The following PDE1A variants were observed in gnomAD, a reference collection of about 807,000 sequenced individuals.
The protein encoded by PDE1A is phosphodiesterase 1A.
PDE1A carries 35 observed loss-of-function variants against 61.7 expected under a neutral mutation model. The ratio of observed to expected loss-of-function variants is 0.57; its 90% CI spans 0.43 to 0.75. The LOEUF (loss-of-function observed/expected upper bound fraction) is 0.75, where lower values mean the gene tolerates loss of function less well. Among genes scored for constraint, PDE1A ranks in the 30% least tolerant of loss-of-function variants. PDE1A has a pLI of 0.00. For missense variants in PDE1A, 597 were observed against 630.6 expected, an observed-to-expected ratio of 0.95 and a Z score of 0.57; for synonymous variants, 232 against 213.2, an observed-to-expected ratio of 1.09 and a Z score of -0.77.
chr2:182,187,731 T>C (rs1401580137), intron 11 of PDE1A, among the ~76,000 whole-genome samples: 1 of 147,898 alleles, frequency 6.8e-6, no homozygotes, highest in Non-Finnish European at 1.5e-5. Flanking sequence ...ATGTTCTTTT[T>C]TTGTTCTTTT....
intron 1 of PDE1A, chr2:182,314,433 G>A (rs1419063975): frequency 6.6e-6 from 1 of 152,122 alleles, no homozygotes; most frequent in African/African-American, 2.4e-5. Context: ...GGGTGAACTG[G>A]ACCAGGTCAG....
the PDE1A span, among the ~76,000 whole-genome samples, chr2:182,583,479 G>A: frequency 2.0e-5 from 3 of 152,156 alleles, no homozygotes; most frequent in Non-Finnish European, 4.4e-5. Context: ...ATCATCCATG[G>A]ATGCCTTGCT....
chr2:182,597,626 A>G, the PDE1A span, among the ~76,000 whole-genome samples: 1 of 152,202 alleles, frequency 6.6e-6, no homozygotes, highest in African/African-American at 2.4e-5. Flanking sequence ...CCCAAAGCCC[A>G]CTTCTAAATT....
chr2:182,626,232 A>G, the PDE1A span, among the ~76,000 whole-genome samples: 1 of 152,182 alleles, frequency 6.6e-6, no homozygotes, highest in South Asian at 2.1e-4. Context: ...CTCACTTTGA[A>G]ACAGCAAATG....
intron 1 of PDE1A, among the ~76,000 whole-genome samples, chr2:182,293,379 A>G (rs1694664586): frequency 6.6e-6 from 1 of 152,180 alleles, no homozygotes; most frequent in Non-Finnish European, 1.5e-5. Flanking sequence ...GAGAACAGCA[A>G]TTCTGCAGCA....
chr2:182,334,041 A>T (rs185648296), intron 1 of PDE1A, among the ~76,000 whole-genome samples: 94 of 152,310 alleles, frequency 6.2e-4, no homozygotes, highest in Non-Finnish European at 1.2e-3. Flanking sequence ...AATAAGTTGA[A>T]TAACTGAATA....
At chr2:182,451,520 C>T (rs1685519266) in intron 2 of PDE1A, among the ~76,000 whole-genome samples, 1 of 152,016 alleles carries the variant, frequency 6.6e-6, no homozygotes, top group African/African-American at 2.4e-5. Context: ...AAATGCTGTA[C>T]CTTACTTAAC....
the PDE1A span, among the ~76,000 whole-genome samples, chr2:182,547,475 C>T: frequency 6.6e-6 from 1 of 152,178 alleles, no homozygotes; most frequent in Non-Finnish European, 1.5e-5. Context: ...CAGACGGGAA[C>T]TAATTAATCA....
chr2:182,506,548 G>C (rs999889905), intron 2 of PDE1A, among the ~76,000 whole-genome samples: 3 of 151,944 alleles, frequency 2.0e-5, no homozygotes, highest in Non-Finnish European at 4.4e-5. Context: ...TTACTCCTTT[G>C]AACTAATCAA....
At chr2:182,186,509 C>A in exon 12 of PDE1A, 4 of 1,613,160 alleles carry the variant, frequency 2.5e-6, no homozygotes, top group Non-Finnish European at 3.4e-6. Flanking sequence ...TTGAGGCTTC[C>A]TCTATAAGAG....
At chr2:182,486,739 A>G (rs1331699166) in intron 2 of PDE1A, among the ~76,000 whole-genome samples, 18 of 152,134 alleles carry the variant, frequency 1.2e-4, no homozygotes, top group Admixed American at 1.2e-3. Flanking sequence ...ATGCAAAAAT[A>G]TGACTTTCGG....
intron 2 of PDE1A, among the ~76,000 whole-genome samples, chr2:182,506,763 G>A (rs1285941087): frequency 6.6e-6 from 1 of 152,160 alleles, no homozygotes; most frequent in Admixed American, 6.5e-5. Flanking sequence ...TGGGAACTGG[G>A]CCTTCCCATG....
At chr2:182,491,898 C>A (rs1009942027) in intron 2 of PDE1A, among the ~76,000 whole-genome samples, 3 of 152,136 alleles carry the variant, frequency 2.0e-5, no homozygotes, top group African/African-American at 7.2e-5. Flanking sequence ...GGCTTTTTAT[C>A]TCATTCTACA....
chr2:182,658,471 G>T, the PDE1A span, among the ~76,000 whole-genome samples: 4 of 152,328 alleles, frequency 2.6e-5, no homozygotes, highest in East Asian at 7.7e-4. Flanking sequence ...GTGCGAAGAT[G>T]CTGTTTCAAA....
At chr2:182,193,993 T>C (rs543319128) in intron 10 of PDE1A, among the ~76,000 whole-genome samples, 1 of 152,158 alleles carries the variant, frequency 6.6e-6, no homozygotes, top group Non-Finnish European at 1.5e-5. Flanking sequence ...ACACACTTTA[T>C]ACTACTTCTA....
chr2:182,161,832 G>A (rs1279941618), intron 13 of PDE1A, among the ~76,000 whole-genome samples: 1 of 152,140 alleles, frequency 6.6e-6, no homozygotes, highest in Non-Finnish European at 1.5e-5. Flanking sequence ...TTATTGATAT[G>A]AGCCCACTAA....
chr2:182,240,331 A>C lies in PDE1A; in HGVS notation c.168-39T>G, dbSNP rs775497987. 3 of 1,318,786 alleles carry C rather than the reference A, an allele frequency of 2.3e-6. No homozygotes were observed. In the African/African-American group the frequency reaches 4.5e-5, roughly 20 times the overall value. The allele number at this position is 1,318,786 out of a possible 1,614,324, so 81.7% of individuals were successfully genotyped here. On this transcript the variant is annotated intron_variant, in intron 2 of 13. Coordinates refer to ENST00000351439, the Ensembl canonical transcript of PDE1A. Reference sequence around the variant, plus strand: ...TACAGATTAAACTTTTTTATAAAAAAGTGAAGAAAAACATATAACAGAAAA... The same window carrying C: ...TACAGATTAAACTTTTTTATAAAAACGTGAAGAAAAACATATAACAGAAAA...
chr2:182,487,053 G>A (rs1169230180), intron 2 of PDE1A, among the ~76,000 whole-genome samples: 1 of 152,028 alleles, frequency 6.6e-6, no homozygotes, highest in Non-Finnish European at 1.5e-5. Context: ...AATTGATAAA[G>A]GACTCTTAAA....
intron 4 of PDE1A, among the ~76,000 whole-genome samples, chr2:182,232,181 G>T (rs779902647): frequency 6.6e-6 from 1 of 152,066 alleles, no homozygotes; most frequent in Admixed American, 6.5e-5. Flanking sequence ...AAACTGGAAA[G>T]TACCCCCTAA....
Sources: gnomAD v4.1 joint callset for allele counts (sites outside exome capture counted in the v4.1 genomes callset) on GRCh38, gnomAD v4.1.1 for gene constraint, MANE v1.5 for transcripts, NCBI Gene and HGNC (gene_info 2026-07-23, HGNC 2026-07-21) for gene names.